PCDH15: variants seen among roughly 807,000 people sequenced by gnomAD.
PCDH15 encodes the protein protocadherin-15.
In PCDH15, 129 loss-of-function variants were observed where a neutral mutation model predicts 178.5. The ratio of observed to expected loss-of-function variants is 0.72; its 90% confidence interval spans 0.63 to 0.84. The LOEUF is 0.84. PCDH15 is among the 40% of genes least tolerant of loss of function. PCDH15 has a pLI of 0.00. For synonymous variants in PCDH15, 800 were observed against 732.0 expected, an observed-to-expected ratio of 1.09 and a Z score of -1.50; for missense variants, 2,230 against 2,099.9, an observed-to-expected ratio of 1.06 and a Z score of -1.21.
intron 31 of PCDH15, 56 bp from the exon 32 acceptor site, chr10:53,827,604 C>A (rs1397791895): frequency 6.3e-7 from 1 of 1,594,498 alleles, no homozygotes; most frequent in African/African-American, 1.3e-5. Flanking sequence ...TAATGCTTAT[C>A]AATAAGCCAC....
At chr10:54,217,622 G>A (rs986497203) in intron 9 of PCDH15, among the ~76,000 whole-genome samples, 1 of 152,108 alleles carries the variant, frequency 6.6e-6, no homozygotes, top group African/African-American at 2.4e-5. Context: ...TTAAACTCAG[G>A]TTGTAGTTTA....
At chr10:54,339,928 T>C (rs1016575130) in intron 6 of PCDH15, among the ~76,000 whole-genome samples, 1 of 152,168 alleles carries the variant, frequency 6.6e-6, no homozygotes, top group Non-Finnish European at 1.5e-5. Context: ...ACCCTGCTCC[T>C]TGGTTATAAA....
At chr10:55,170,985 C>A (rs547283125) in intron 1 of PCDH15, among the ~76,000 whole-genome samples, 1 of 152,144 alleles carries the variant, frequency 6.6e-6, no homozygotes, top group Non-Finnish European at 1.5e-5. Flanking sequence ...GATGTATCTC[C>A]TACATTTCTG....
intron 2 of PCDH15, among the ~76,000 whole-genome samples, chr10:55,022,689 C>T (rs1387100235): frequency 6.7e-6 from 1 of 148,728 alleles, no homozygotes. Flanking sequence ...TTGATAAACT[C>T]TAAAATATGA....
At chr10:55,156,319 G>T (rs1838888586) in intron 2 of PCDH15, among the ~76,000 whole-genome samples, 1 of 152,190 alleles carries the variant, frequency 6.6e-6, no homozygotes, top group East Asian at 1.9e-4. Context: ...TATTAAATAG[G>T]CTAGGGAAAC....
At chr10:53,823,858 C>G in intron 32 of PCDH15, 1 of 444,452 alleles carries the variant, frequency 2.2e-6, no homozygotes, top group Non-Finnish European at 4.6e-6. Flanking sequence ...ATCCTGTTCT[C>G]CAAATTAAGA....
chr10:55,306,462 A>C (rs1843429109), intron 1 of PCDH15, among the ~76,000 whole-genome samples: 1 of 152,164 alleles, frequency 6.6e-6, no homozygotes, highest in Non-Finnish European at 1.5e-5. Context: ...ATGAATCATA[A>C]ATCTCCCTCT....
intron 10 of PCDH15, among the ~76,000 whole-genome samples, chr10:54,205,587 C>G (rs1345108611): frequency 6.7e-6 from 1 of 149,736 alleles, no homozygotes; most frequent in Non-Finnish European, 1.5e-5. Context: ...TATCAACTGA[C>G]TAAAAATTAT....
chr10:55,385,172 C>A lies in PCDH15; in HGVS notation c.-155-218521G>T, dbSNP rs78274621. On this transcript the variant is annotated intron_variant, in intron 2 of 5. Transcript: ENST00000613346. ...AAATAAAGAAAATTTACGTGTTTGGCCTAAACAATGTCGTATATGTAAAAC... is the reference window on the plus strand; with the variant it reads ...AAATAAAGAAAATTTACGTGTTTGGACTAAACAATGTCGTATATGTAAAAC... Among the ~76,000 whole-genome samples the A allele has an allele frequency of 3.9e-4, 59 of 152,112 alleles. No homozygotes were observed. In the East Asian group the frequency reaches 7.6e-3, roughly 19 times the overall value.
At chr10:53,958,172 T>G (rs1239462207) in intron 23 of PCDH15, among the ~76,000 whole-genome samples, 1 of 152,174 alleles carries the variant, frequency 6.6e-6, no homozygotes, top group Non-Finnish European at 1.5e-5. Flanking sequence ...TCCTAGAACA[T>G]GATCAAGTTC....
At chr10:53,994,649 C>A (rs2091735056) in intron 21 of PCDH15, 1 of 152,026 alleles carries the variant, frequency 6.6e-6, no homozygotes, top group African/African-American at 2.4e-5. Flanking sequence ...TCCCAAAGCA[C>A]AATAAAGCAG....
intron 2 of PCDH15, among the ~76,000 whole-genome samples, chr10:55,615,693 T>C (rs1467758778): frequency 1.3e-5 from 2 of 152,012 alleles, no homozygotes; most frequent in South Asian, 4.2e-4. Flanking sequence ...CATAGTGGGA[T>C]TCTGCTTCTA....
At chr10:54,958,223 T>C (rs1463910146) in intron 2 of PCDH15, among the ~76,000 whole-genome samples, 1 of 146,250 alleles carries the variant, frequency 6.8e-6, no homozygotes, top group Non-Finnish European at 1.5e-5. Context: ...GTACACAGGG[T>C]AGTAAATTTG....
intron 2 of PCDH15, among the ~76,000 whole-genome samples, chr10:55,153,998 A>G (rs1033549079): frequency 6.6e-6 from 1 of 152,186 alleles, no homozygotes; most frequent in African/African-American, 2.4e-5. Flanking sequence ...CACTAAATCT[A>G]TATCTAAATT....
chr10:54,153,346 C>T, intron 13 of PCDH15, 53 bp from the exon 14 acceptor site: 1 of 1,596,260 alleles, frequency 6.3e-7, no homozygotes, highest in Non-Finnish European at 8.6e-7. Flanking sequence ...TTTTCACCAC[C>T]ATGTCGTTTT....
intron 1 of PCDH15, among the ~76,000 whole-genome samples, chr10:55,180,598 T>G (rs1839622115): frequency 6.6e-6 from 1 of 152,126 alleles, no homozygotes; most frequent in African/African-American, 2.4e-5. Flanking sequence ...GTGCAATAAC[T>G]CAGGTAAGAT....
chr10:55,332,417 T>G (rs1455564837), intron 2 of PCDH15, among the ~76,000 whole-genome samples: 1 of 152,154 alleles, frequency 6.6e-6, no homozygotes, highest in Non-Finnish European at 1.5e-5. Flanking sequence ...GCAAATTGTG[T>G]GTCAATAACA....
intron 2 of PCDH15, among the ~76,000 whole-genome samples, chr10:54,536,571 G>A (rs2084549841): frequency 6.6e-6 from 1 of 152,000 alleles, no homozygotes. Context: ...GTAAGGTTTG[G>A]GATATGATTG....
intron 16 of PCDH15, among the ~76,000 whole-genome samples, chr10:54,085,638 C>T (rs2094503411): frequency 6.6e-6 from 1 of 152,104 alleles, no homozygotes; most frequent in Non-Finnish European, 1.5e-5. Context: ...ATACATGACA[C>T]TGAATGATTT....
Sources: allele counts gnomAD v4.1 joint callset (sites outside exome capture counted in the v4.1 genomes callset), GRCh38; gene constraint gnomAD v4.1.1; transcripts MANE v1.5; gene names NCBI Gene and HGNC (gene_info 2026-07-23, HGNC 2026-07-21).